GOLGA4: variants seen among roughly 807,000 people sequenced by gnomAD.
GOLGA4 encodes the protein golgin subfamily A member 4.
Under a neutral mutation model 265.9 loss-of-function variants are expected in GOLGA4, and 169 were observed. The ratio of observed to expected loss-of-function variants is 0.64; its 90% CI spans 0.56 to 0.72. The LOEUF (loss-of-function observed/expected upper bound fraction) is 0.72, where lower values mean the gene tolerates loss of function less well. GOLGA4 is among the 30% of genes least tolerant of loss of function. The pLI, the probability that GOLGA4 is intolerant of heterozygous loss-of-function variation, is 0.00. For missense variants in GOLGA4, 2,482 were observed against 2,483.4 expected (o/e 1.00, Z 0.01); for synonymous variants, 923 against 855.8 (o/e 1.08, Z -1.37).
At chr3:37,303,796 A>G (rs991843765) in intron 10 of GOLGA4, among the ~76,000 whole-genome samples, 1 of 152,230 alleles carries the variant, frequency 6.6e-6, no homozygotes, top group African/African-American at 2.4e-5. Flanking sequence ...TGCTACTACT[A>G]CTGCTGCTAC....
chr3:37,314,401 G>A (rs1386593972), intron 10 of GOLGA4, among the ~76,000 whole-genome samples: 1 of 152,024 alleles, frequency 6.6e-6, no homozygotes, highest in African/African-American at 2.4e-5. Flanking sequence ...AGAACTTTGG[G>A]AGGACAAGGT....
At chr3:37,271,070 A>G (rs777635913) in intron 2 of GOLGA4, among the ~76,000 whole-genome samples, 96 of 152,074 alleles carry the variant, frequency 6.3e-4, no homozygotes, top group South Asian at 1.5e-3. Context: ...ATGAATATCT[A>G]ATGTCACCAC....
At chr3:37,280,637 T>C (rs1427282405) in intron 2 of GOLGA4, among the ~76,000 whole-genome samples, 1 of 152,238 alleles carries the variant, frequency 6.6e-6, no homozygotes, top group African/African-American at 2.4e-5. Flanking sequence ...CTTTCCCATT[T>C]AATAGTATAT....
At chr3:37,275,449 G>A (rs2096813878) in intron 2 of GOLGA4, among the ~76,000 whole-genome samples, 1 of 152,110 alleles carries the variant, frequency 6.6e-6, no homozygotes, top group Non-Finnish European at 1.5e-5. Context: ...TTCTATAAGT[G>A]CCATGAAGTA....
chr3:37,248,279 T>C (rs1338000492), intron 1 of GOLGA4, among the ~76,000 whole-genome samples: 1 of 152,160 alleles, frequency 6.6e-6, no homozygotes, highest in Non-Finnish European at 1.5e-5. Flanking sequence ...ACAGCTAAAA[T>C]GGTTTTTCTT....
chr3:37,366,131 T>C lies in GOLGA4; in HGVS notation c.*85T>C. On this transcript the variant is annotated 3_prime_UTR_variant, in exon 24 of 24. Coordinates refer to ENST00000361924, the MANE Select transcript of GOLGA4 (RefSeq NM_002078.5). Reference sequence around the variant, plus strand: ...AAGAGTGACATTGGGTGACTGCTGCTTGGAAAACTGTCCACACTTGCTACT... The same window carrying C: ...AAGAGTGACATTGGGTGACTGCTGCCTGGAAAACTGTCCACACTTGCTACT... 5 of 1,509,934 alleles carry C rather than the reference T, an allele frequency of 3.3e-6. No individual in the cohort carries two copies. The South Asian group carries it at 4.9e-5, about 15-fold the overall frequency. The allele number at this position is 1,509,934 out of a possible 1,614,324, so 93.5% of individuals were successfully genotyped here. A position where few individuals can be genotyped will look rare whatever the true frequency, so the allele number is the denominator to read the frequency against.
At chr3:37,276,630 T>G (rs1578458358) in intron 2 of GOLGA4, 1 of 1,530,938 alleles carries the variant, frequency 6.5e-7, no homozygotes, top group East Asian at 2.3e-5. Context: ...TCTGGACCAT[T>G]AAGAAAACGG....
chr3:37,353,200 T>C (rs2097080083), intron 21 of GOLGA4, among the ~76,000 whole-genome samples: 1 of 151,994 alleles, frequency 6.6e-6, no homozygotes, highest in Non-Finnish European at 1.5e-5. Context: ...GTAACAGATA[T>C]TATAATAATG....
In GOLGA4 at chr3:37,324,481, C is replaced by T. The variant is rs1243187708; in HGVS notation, c.2595C>T (p.Asp865=). The T allele has an allele frequency of 1.2e-6, 2 of 1,613,908 alleles. No individual in the cohort carries two copies. The highest frequency in any genetic ancestry group is 2.7e-5 in the African/African-American group (2 of 74,894). ...ELDAHKIQVQ[D]LMQQLEKQNS... Reference sequence around the variant, plus strand: ...ATGCTCACAAAATCCAGGTGCAGGACTTAATGCAGCAACTTGAAAAACAAA... The same window carrying T: ...ATGCTCACAAAATCCAGGTGCAGGATTTAATGCAGCAACTTGAAAAACAAA... Residue 865 remains aspartate (D), a synonymous_variant, in exon 14 of 24, where the codon GAC becomes GAT. Transcript: ENST00000361924.
intron 23 of GOLGA4, among the ~76,000 whole-genome samples, chr3:37,364,760 TA>T (rs372948979): frequency 2.1e-5 from 3 of 145,360 alleles, no homozygotes; most frequent in Admixed American, 6.9e-5. Context: ...CTATTTTTTT[TA>T]AAAAAAAGTT....
chr3:37,295,984 T>C, intron 6 of GOLGA4, 103 bp from the exon 7 acceptor site: 1 of 1,015,966 alleles, frequency 9.8e-7, no homozygotes, highest in Non-Finnish European at 1.5e-6. Context: ...ATTTTGGTAT[T>C]AACAGGGAAT....
At chr3:37,343,017 A>G (rs1400663240) in intron 20 of GOLGA4, among the ~76,000 whole-genome samples, 1 of 152,190 alleles carries the variant, frequency 6.6e-6, no homozygotes, top group Non-Finnish European at 1.5e-5. Flanking sequence ...CTTCTGCCTC[A>G]GTTTCCCAAC....
Position 37,326,569 on chromosome 3 carries a change from A to G in GOLGA4, c.4683A>G (p.Glu1561=), listed in dbSNP as rs1172031426. The G allele has an allele frequency of 2.5e-6, 4 of 1,612,018 alleles. No individual in the cohort carries two copies. The East Asian group carries it at 8.9e-5, about 36-fold the overall frequency. ...AACAAAAGGATATTGAACACAAAGA[A>G]TTGGTTCAGAAACTTCAACATTTTC... ...YNQQKDIEHK[E]LVQKLQHFQE... is the part of the protein sequence containing the mutation. Residue 1561 remains glutamate, a synonymous_variant, in exon 14 of 24, where the codon GAA becomes GAG. Coordinates refer to ENST00000361924, the MANE Select transcript of GOLGA4 (RefSeq NM_002078.5).
In GOLGA4 at chr3:37,319,205, A is replaced by T. The variant is rs532989212; in HGVS notation, c.1545+11A>T. ...ATGAAAGTAGCTCTTGTAAGTGACT[A>T]TTTTTTTTTTTCTGCTATAGGTATA... On this transcript the variant is annotated intron_variant, in intron 12 of 23. Coordinates refer to ENST00000361924, the MANE Select transcript of GOLGA4 (RefSeq NM_002078.5). 19 of 1,301,926 alleles carry T rather than the reference A, an allele frequency of 1.5e-5. No homozygotes were observed. Among genetic ancestry groups the T allele is most frequent in the South Asian group, 3.0e-5 (2 of 66,878 alleles). 80.6% of individuals were successfully genotyped at this position (1,301,926 alleles called of 1,614,324 possible). A position where few individuals can be genotyped will look rare whatever the true frequency, so the allele number is the denominator to read the frequency against.
Position 37,324,168 on chromosome 3 carries a change from T to C in GOLGA4, c.2282T>C (p.Leu761Pro), listed in dbSNP as rs1196904816. ...GCATTAAAAGATCAAATTAATCAAC[T>C]TGAGCTTCTCTTGAAGGAAAGGGAC... ...EKALKDQINQ[L>P]ELLLKERDKH... Residue 761 changes from leucine (L) to proline (P), a missense_variant, in exon 14 of 24, where the codon CTT becomes CCT. By Grantham distance (98) the Leu-to-Pro change is moderately conservative. Around this residue, in one of 3 missense-constraint regions of GOLGA4, gnomAD observed 1,536 missense variants for 1,483.7 expected, o/e 1.04. Coordinates refer to ENST00000361924, the MANE Select transcript of GOLGA4 (RefSeq NM_002078.5). 3 of 1,614,070 alleles carry C rather than the reference T, an allele frequency of 1.9e-6. No individual in the cohort carries two copies. Among genetic ancestry groups the C allele is most frequent in the Middle Eastern group, 1.7e-4 (1 of 6,060 alleles).
At chr3:37,309,574 C>T (rs907996624) in intron 10 of GOLGA4, among the ~76,000 whole-genome samples, 8 of 152,138 alleles carry the variant, frequency 5.3e-5, no homozygotes, top group African/African-American at 1.9e-4. Context: ...CAAACAACAA[C>T]AACAAAAAAC....
Position 37,302,257 on chromosome 3 carries a change from C to A in GOLGA4, c.1159C>A (p.Leu387Ile), listed in dbSNP as rs375787353. 1.9e-6 allele frequency: 3 copies of A among 1,612,828 alleles called. No homozygotes were observed. Among genetic ancestry groups the A allele is most frequent in the Non-Finnish European group, 2.5e-6 (3 of 1,178,874 alleles). Reference protein sequence around the residue: ...LEMKEEEIAQLRSRIKQMTTQ... With the variant: ...LEMKEEEIAQIRSRIKQMTTQ... ...AATGAAAGAAGAAGAAATTGCTCAA[C>A]TCCGTAGTCGCATCAAACAGATGAC... is the stretch of plus-strand genomic sequence containing the variant. Residue 387 changes from leucine (L) to isoleucine (I), a missense_variant, in exon 10 of 24, where the codon CTC becomes ATC. Leu to Ile is a conservative substitution (Grantham distance 5). Coordinates refer to ENST00000361924, the MANE Select transcript of GOLGA4 (RefSeq NM_002078.5).
At chr3:37,249,911 G>A (rs1365282585) in intron 1 of GOLGA4, 1 of 152,212 alleles carries the variant, frequency 6.6e-6, no homozygotes, top group African/African-American at 2.4e-5. Context: ...GCTTATATTT[G>A]TGTGGATGCA....
chr3:37,327,867 C>A, intron 14 of GOLGA4, 42 bp downstream of exon 14: 2 of 1,469,204 alleles, frequency 1.4e-6, no homozygotes, highest in Non-Finnish European at 1.9e-6. Context: ...GGCAGTCCTT[C>A]TTAATTAAGT....
Sources: allele counts gnomAD v4.1 joint callset (sites outside exome capture counted in the v4.1 genomes callset), GRCh38; gene constraint gnomAD v4.1.1; regional missense constraint gnomAD v4.1.1; transcripts MANE v1.5; gene names NCBI Gene and HGNC (gene_info 2026-07-23, HGNC 2026-07-21).